IL18RAP: variants seen among roughly 807,000 people sequenced by gnomAD.
IL18RAP encodes the protein interleukin-18 receptor accessory protein.
A neutral mutation model predicts 58.1 loss-of-function variants in IL18RAP; 37 were observed. The ratio of observed to expected loss-of-function variants is 0.64; its 90% CI spans 0.49 to 0.84. The LOEUF (loss-of-function observed/expected upper bound fraction) is 0.84, where lower values mean the gene tolerates loss of function less well. Ranked by LOEUF, IL18RAP falls within the 40% of genes least tolerant of loss-of-function variation. The probability of loss-of-function intolerance (pLI) is 0.00; values close to 1 mark genes in which losing one functional copy is unlikely to be tolerated. For synonymous variants in IL18RAP, 268 were observed against 257.5 expected (o/e 1.04, Z -0.39); for missense variants, 667 against 704.8 (o/e 0.95, Z 0.61).
chr2:102,418,991 A>G (rs1326800188), upstream of IL18RAP: 1 of 152,354 alleles, frequency 6.6e-6, no homozygotes, highest in Non-Finnish European at 1.5e-5. Flanking sequence ...ACCAGAAAAC[A>G]TAAGTTGGGA....
At chr2:102,445,097 CA>C (rs1683331418) in intron 6 of IL18RAP, 91 bp from the exon 7 acceptor site, 2 of 1,164,496 alleles carry the variant, frequency 1.7e-6, no homozygotes, top group Non-Finnish European at 2.5e-6. Context: ...CTCTAAAAGC[CA>C]AACTGTTGGC....
Position 102,423,824 on chromosome 2 carries a change from A to G in IL18RAP, c.84A>G (p.Lys28=). 1 of 1,611,150 alleles carries G rather than the reference A, an allele frequency of 6.2e-7. No homozygotes were observed. The highest frequency in any genetic ancestry group is 1.1e-5 in the South Asian group (1 of 91,028). ...TATGATTTTCAGGTTGTTCCACAAA[A>G]AAACTCCTTTGGACATATTCTACAA... The part of the protein sequence containing the change: ...KGFNISGCST[K]KLLWTYSTRS... Residue 28 remains lysine (K), a synonymous_variant, in exon 2 of 10, where the codon AAA becomes AAG. Coordinates refer to ENST00000687160, the MANE Select transcript of IL18RAP (RefSeq NM_001393487.1).
In IL18RAP at chr2:102,424,318, T is replaced by G; in HGVS notation, c.483T>G (p.His161Gln). 3 of 1,614,100 alleles carry G rather than the reference T, an allele frequency of 1.9e-6. No homozygotes were observed. Among genetic ancestry groups the G allele is most frequent in the Non-Finnish European group, 2.5e-6 (3 of 1,179,982 alleles). The change falls in exon 3 of 10, where the codon CAT becomes CAG. Residue 161 changes from histidine to glutamine, a missense_variant. Physicochemically the swap from His to Gln is conservative, Grantham distance 24. Coordinates refer to ENST00000687160, the MANE Select transcript of IL18RAP (RefSeq NM_001393487.1). ...CATCCTGTGAGTATTCCGCATCACA[T>G]AAGCAAGACCTACTTCTTGGGAGCA... is the stretch of plus-strand genomic sequence containing the variant. The part of the protein sequence containing the change: ...TNASCEYSAS[H>Q]KQDLLLGSTG...
At position 102,435,564 on chromosome 2, in the gene IL18RAP, T is replaced by C. The variant is rs1573282212; in HGVS notation, c.580-1648T>C. ...AAAACCTGAAATGCACCAGGGAGAA[T>C]AGGCCAGGGAGGAGAGTGAAAGAAA... On this transcript the variant is annotated intron_variant, in intron 3 of 9. Coordinates refer to ENST00000687160, the MANE Select transcript of IL18RAP (RefSeq NM_001393487.1). 2.6e-5 allele frequency among the ~76,000 whole-genome samples: 4 copies of C among 152,046 alleles called. No individual in the cohort carries two copies. The East Asian group carries it at 5.8e-4, about 22-fold the overall frequency.
intron 8 of IL18RAP, among the ~76,000 whole-genome samples, chr2:102,449,266 T>C (rs1005725141): frequency 6.6e-6 from 1 of 152,064 alleles, no homozygotes; most frequent in Non-Finnish European, 1.5e-5. Flanking sequence ...AGACTCCTTT[T>C]CAAAAAAAAG....
At chr2:102,419,620 CAT>C (rs376689152), upstream of IL18RAP, 10 of 152,424 alleles carry the variant, frequency 6.6e-5, no homozygotes, top group South Asian at 2.1e-4. Context: ...TCTGAAAAAA[CAT>C]ATGTGATTCT....
At chr2:102,426,881 T>G (rs1282852270) in intron 3 of IL18RAP, among the ~76,000 whole-genome samples, 1 of 152,090 alleles carries the variant, frequency 6.6e-6, no homozygotes, top group Non-Finnish European at 1.5e-5. Flanking sequence ...AACTTTGTAC[T>G]CTTTGACCAG....
intron 8 of IL18RAP, among the ~76,000 whole-genome samples, chr2:102,447,879 C>T (rs1264613914): frequency 3.9e-5 from 6 of 152,038 alleles, no homozygotes; most frequent in Admixed American, 6.6e-5. Flanking sequence ...TACAGGCATG[C>T]GCTACCATGT....
chr2:102,442,864 C>T (rs554539754), intron 5 of IL18RAP, among the ~76,000 whole-genome samples: 5 of 152,220 alleles, frequency 3.3e-5, no homozygotes, highest in East Asian at 1.9e-4. Flanking sequence ...TGCAGAAGAC[C>T]GGGCTGATCT....
At chr2:102,421,419 C>T (rs1205064683), upstream of IL18RAP, among the ~76,000 whole-genome samples, 5 of 152,060 alleles carry the variant, frequency 3.3e-5, no homozygotes, top group Admixed American at 6.5e-5. Context: ...TGGTGGGAGC[C>T]GGTGACGTTT....
At chr2:102,441,825 T>A (rs1573293050) in intron 5 of IL18RAP, among the ~76,000 whole-genome samples, 1 of 151,736 alleles carries the variant, frequency 6.6e-6, no homozygotes, top group Non-Finnish European at 1.5e-5. Flanking sequence ...GAGGCGGAGG[T>A]TACAGTGAGC....
intron 5 of IL18RAP, among the ~76,000 whole-genome samples, chr2:102,442,189 C>T (rs1683145763): frequency 6.6e-6 from 1 of 152,046 alleles, no homozygotes; most frequent in Non-Finnish European, 1.5e-5. Flanking sequence ...AATTGACTTC[C>T]CTGTGGGTCT....
At chr2:102,446,849 G>A (rs541527079) in intron 7 of IL18RAP, among the ~76,000 whole-genome samples, 1 of 151,660 alleles carries the variant, frequency 6.6e-6, no homozygotes, top group Non-Finnish European at 1.5e-5. Flanking sequence ...CATCCAGGTT[G>A]CTGCACATGC....
chr2:102,424,103 T>G lies in IL18RAP; in HGVS notation c.363T>G (p.Ser121=), dbSNP rs767014153. Residue 121 remains serine, a synonymous_variant, in exon 2 of 10, where the codon TCT becomes TCG. Transcript: ENST00000687160. ...TTTTGACCCCAGGGGTGAATAATTC[T>G]GGGTCATATATTTGTAGACCCAAGA... ...LHFLTPGVNN[S]GSYICRPKMI... is the part of the protein sequence containing the mutation. The G allele has an allele frequency of 6.2e-7, 1 of 1,613,568 alleles. No individual in the cohort carries two copies. Among genetic ancestry groups the G allele is most frequent in the Admixed American group, 1.7e-5 (1 of 59,992 alleles).
At chr2:102,424,593 G>A (rs1248936574) in intron 3 of IL18RAP, among the ~76,000 whole-genome samples, 179 bp downstream of exon 3, 1 of 152,324 alleles carries the variant, frequency 6.6e-6, no homozygotes, top group East Asian at 1.9e-4. Context: ...GGAAGCCACA[G>A]AGCTTGATAT....
Position 102,451,025 on chromosome 2 carries a change from A to G in IL18RAP, c.1384+4A>G. Reference sequence around the variant, plus strand: ...AGAGATGTGGCTCCAGGAGGAGGTAAGTCCAACATGTCAAGAAAAACTGCA... The same window carrying G: ...AGAGATGTGGCTCCAGGAGGAGGTAGGTCCAACATGTCAAGAAAAACTGCA... On this transcript the variant is annotated splice_donor_region_variant and intron_variant, in intron 9 of 9. Transcript: ENST00000687160. 1 of 1,579,008 alleles carries G rather than the reference A, an allele frequency of 6.3e-7. No homozygotes were observed. The highest frequency in any genetic ancestry group is 8.6e-7 in the Non-Finnish European group (1 of 1,165,298).
intron 6 of IL18RAP, 69 bp downstream of exon 6, chr2:102,443,392 T>C: frequency 6.4e-7 from 1 of 1,550,882 alleles, no homozygotes; most frequent in Non-Finnish European, 8.7e-7. Context: ...TAGAAATGCC[T>C]AAAGTATACA....
chr2:102,444,152 G>C (rs991324260), intron 6 of IL18RAP, among the ~76,000 whole-genome samples: 2 of 152,158 alleles, frequency 1.3e-5, no homozygotes, highest in African/African-American at 4.8e-5. Flanking sequence ...ATAAGAAAAT[G>C]CAATATCATT....
At chr2:102,430,420 G>A (rs2160232) in intron 3 of IL18RAP, among the ~76,000 whole-genome samples, 117,679 of 151,826 alleles carry the variant, frequency 0.78, 46,614 homozygotes, top group African/African-American at 0.9. Context: ...ATCTTTGTCC[G>A]TTTTTTCCCT....
Sources: gnomAD v4.1 joint callset for allele counts (sites outside exome capture counted in the v4.1 genomes callset) on GRCh38, gnomAD v4.1.1 for gene constraint, MANE v1.5 for transcripts, NCBI Gene and HGNC (gene_info 2026-07-23, HGNC 2026-07-21) for gene names.